Variants in CIMAP3 observed in about 807,000 individuals in gnomAD.
The protein encoded by CIMAP3 is ciliary microtubule-associated protein 3.
At chr1:111,341,541 C>T in the CIMAP3 span, among the ~76,000 whole-genome samples, 2,100 of 152,204 alleles carry the variant, frequency 0.014, 59 homozygotes, top group African/African-American at 0.047. Flanking sequence ...TCGCAAGTCA[C>T]CGTCTCCCTG....
chr1:111,351,771 C>T, the CIMAP3 span: 1 of 153,168 alleles, frequency 6.5e-6, no homozygotes, highest in Non-Finnish European at 1.5e-5. Context: ...TGGAGCTCTC[C>T]CAATTGTGTT....
the CIMAP3 span, among the ~76,000 whole-genome samples, chr1:111,326,226 G>A: frequency 2.0e-5 from 3 of 152,248 alleles, no homozygotes; most frequent in East Asian, 3.9e-4. Context: ...TCACTCTGCT[G>A]TTGAATGACA....
chr1:111,347,158 G>T, the CIMAP3 span: 1 of 1,286,606 alleles, frequency 7.8e-7, no homozygotes. Flanking sequence ...GAGATCTCCA[G>T]AGTCCCAGCA....
the CIMAP3 span, chr1:111,347,903 C>A: frequency 1.5e-6 from 1 of 646,848 alleles, no homozygotes. Flanking sequence ...GGCATTTAAG[C>A]AAAAGCTATT....
the CIMAP3 span, chr1:111,350,337 A>G: frequency 6.3e-6 from 5 of 791,068 alleles, no homozygotes; most frequent in Non-Finnish European, 1.0e-5. Context: ...CTTGGTCCCA[A>G]AAAATTATAT....
chr1:111,345,727 C>G, the CIMAP3 span, among the ~76,000 whole-genome samples: 1 of 152,188 alleles, frequency 6.6e-6, no homozygotes, highest in African/African-American at 2.4e-5. Flanking sequence ...CTGTTAACCT[C>G]TAACACCTGG....
the CIMAP3 span, among the ~76,000 whole-genome samples, chr1:111,342,188 A>C: frequency 6.6e-6 from 1 of 152,214 alleles, no homozygotes; most frequent in South Asian, 2.1e-4. Flanking sequence ...AGCAAATAAC[A>C]TATAAGGATC....
At chr1:111,346,545 C>A in the CIMAP3 span, 4 of 1,563,314 alleles carry the variant, frequency 2.6e-6, no homozygotes, top group Admixed American at 1.8e-5. Flanking sequence ...GCCGCGCAGG[C>A]GCGCTCGGGC....
chr1:111,334,703 T>C, the CIMAP3 span, among the ~76,000 whole-genome samples: 2 of 152,246 alleles, frequency 1.3e-5, no homozygotes, highest in Non-Finnish European at 2.9e-5. Flanking sequence ...ATTTAAATGA[T>C]AATTTTTAAA....
chr1:111,336,839 A>C, the CIMAP3 span, among the ~76,000 whole-genome samples: 1 of 152,134 alleles, frequency 6.6e-6, no homozygotes, highest in Admixed American at 6.5e-5. Flanking sequence ...TTCAGGAAAT[A>C]CAGAGAACAC....
At chr1:111,346,739 G>A in the CIMAP3 span, 2 of 1,581,988 alleles carry the variant, frequency 1.3e-6, no homozygotes, top group Non-Finnish European at 8.7e-7. Context: ...AGCTGGGAAA[G>A]ACGAAGTGGG....
At chr1:111,329,153 T>C in the CIMAP3 span, among the ~76,000 whole-genome samples, 1 of 152,204 alleles carries the variant, frequency 6.6e-6, no homozygotes, top group Non-Finnish European at 1.5e-5. Flanking sequence ...TGTTTTTCTT[T>C]AGAAGTGTTG....
the CIMAP3 span, among the ~76,000 whole-genome samples, chr1:111,335,600 G>A: frequency 6.6e-6 from 1 of 152,254 alleles, no homozygotes; most frequent in Non-Finnish European, 1.5e-5. Context: ...CTGATTGCTA[G>A]CACAGCAGTC....
chr1:111,351,188 C>CAA, the CIMAP3 span: 1 of 445,848 alleles, frequency 2.2e-6, no homozygotes, highest in Non-Finnish European at 3.5e-6. Flanking sequence ...TTTTTTTTTG[C>CAA]ATAACTGGGA....
chr1:111,335,237 A>G, the CIMAP3 span, among the ~76,000 whole-genome samples: 72,445 of 150,238 alleles, frequency 0.48, 17,793 homozygotes, highest in South Asian at 0.54. Context: ...GGCCGAATAG[A>G]AACAGCTCCG....
At chr1:111,335,230 C>A in the CIMAP3 span, among the ~76,000 whole-genome samples, 45,155 of 149,924 alleles carry the variant, frequency 0.3, 7,514 homozygotes, top group South Asian at 0.42. Flanking sequence ...TCAAGATGGC[C>A]GAATAGAAAC....
chr1:111,347,616 T>C, the CIMAP3 span: 45 of 1,080,286 alleles, frequency 4.2e-5, no homozygotes, highest in South Asian at 3.7e-4. Context: ...GCGTTGTTTT[T>C]TCTTTCTTTT....
At chr1:111,347,621 T>TTA in the CIMAP3 span, 1 of 976,264 alleles carries the variant, frequency 1.0e-6, no homozygotes, top group Non-Finnish European at 1.5e-6. Flanking sequence ...GTTTTTTCTT[T>TTA]CTTTTTTTTT....
At chr1:111,346,948 AG>A in the CIMAP3 span, 1 of 1,613,786 alleles carries the variant, frequency 6.2e-7, no homozygotes, top group East Asian at 2.2e-5. Flanking sequence ...ATGTCAACAG[AG>A]GAAACTTTTT....
Sources: gnomAD v4.1 joint callset for allele counts (sites outside exome capture counted in the v4.1 genomes callset) on GRCh38, gnomAD v4.1.1 for gene constraint, MANE v1.5 for transcripts, NCBI Gene and HGNC (gene_info 2026-07-23, HGNC 2026-07-21) for gene names.